TMCO1: variants seen among roughly 807,000 people sequenced by gnomAD.
The protein encoded by TMCO1 is transmembrane and coiled-coil domains 1, also known as calcium load-activated calcium channel.
A neutral mutation model predicts 29.3 loss-of-function variants in TMCO1; 29 were observed. That is an observed-to-expected ratio of 0.99 (90% CI 0.74 to 1.35). The LOEUF is 1.35. Ranked by LOEUF, TMCO1 falls within the 40% of genes most tolerant of loss-of-function variation. The pLI, the probability that TMCO1 is intolerant of heterozygous loss-of-function variation, is 0.00. For missense variants in TMCO1, 173 were observed against 225.5 expected (o/e 0.77, Z 1.49); for synonymous variants, 80 against 77.1 (o/e 1.04, Z -0.20).
intron 2 of TMCO1, among the ~76,000 whole-genome samples, chr1:165,766,413 T>C (rs1652569419): frequency 1.3e-5 from 2 of 152,094 alleles, no homozygotes; most frequent in African/African-American, 4.8e-5. Flanking sequence ...AGGAAGTGAA[T>C]GTAGAGAAAA....
chr1:165,734,158 TA>T (rs1414676174), intron 6 of TMCO1, among the ~76,000 whole-genome samples: 1 of 152,228 alleles, frequency 6.6e-6, no homozygotes, highest in Non-Finnish European at 1.5e-5. Flanking sequence ...AAGCTGTATA[TA>T]AAATCTAATC....
intron 4 of TMCO1, among the ~76,000 whole-genome samples, chr1:165,753,674 C>T (rs1241701301): frequency 1.3e-5 from 2 of 151,590 alleles, no homozygotes; most frequent in Admixed American, 6.6e-5. Context: ...ATTAGCCGGG[C>T]GTGGTGTACT....
chr1:165,765,380 T>C (rs934010760), intron 2 of TMCO1, among the ~76,000 whole-genome samples: 14 of 152,188 alleles, frequency 9.2e-5, no homozygotes, highest in Non-Finnish European at 8.8e-5. Flanking sequence ...GCCTCCCAGG[T>C]TGAAGCAATT....
At chr1:165,764,358 T>C (rs1571233266) in intron 2 of TMCO1, among the ~76,000 whole-genome samples, 1 of 152,154 alleles carries the variant, frequency 6.6e-6, no homozygotes, top group South Asian at 2.1e-4. Context: ...ACAGTTTTGT[T>C]GAGGAGAGAG....
chr1:165,728,651 A>T (rs1342178789), intron 6 of TMCO1, among the ~76,000 whole-genome samples: 1 of 152,216 alleles, frequency 6.6e-6, no homozygotes, highest in Non-Finnish European at 1.5e-5. Flanking sequence ...TCTACTAATG[A>T]AAGTGGTTGA....
At chr1:165,737,358 T>C (rs933214935) in intron 6 of TMCO1, among the ~76,000 whole-genome samples, 1 of 151,652 alleles carries the variant, frequency 6.6e-6, no homozygotes, top group African/African-American at 2.4e-5. Context: ...TTTAAAAAAA[T>C]TCAACATAGC....
rs527733826 is a variant in TMCO1, at chr1:165,741,800, G to T, written c.468+1367C>A. Among the ~76,000 whole-genome samples the T allele has an allele frequency of 9.9e-5, 15 of 152,252 alleles. No individual in the cohort carries two copies. In the South Asian group the frequency reaches 2.9e-3, roughly 29 times the overall value. ...TAGTGAGTGAGTTCTCACGAGATCT[G>T]GTTGTTTAAAAGTGTGTAATACCTC... On this transcript the variant is annotated intron_variant, in intron 6 of 6. Transcript: ENST00000367881.
chr1:165,756,018 T>G (rs1237123886), intron 3 of TMCO1, among the ~76,000 whole-genome samples: 2 of 150,796 alleles, frequency 1.3e-5, no homozygotes, highest in African/African-American at 2.4e-5. Context: ...AAACTTTAAT[T>G]TGCCTAAGAA....
downstream of TMCO1, chr1:165,725,213 A>G (rs749551136): frequency 3.1e-5 from 14 of 453,284 alleles, no homozygotes; most frequent in South Asian, 6.2e-5. Flanking sequence ...AATACATAAA[A>G]TAAGTATAAA....
chr1:165,750,273 C>T (rs60093824), intron 5 of TMCO1, among the ~76,000 whole-genome samples: 48 of 152,184 alleles, frequency 3.2e-4, no homozygotes, highest in African/African-American at 1.1e-3. Flanking sequence ...GGCGCAATGG[C>T]TCACACCTGT....
rs2101813422 is a variant in TMCO1 at position 165,759,643 on chromosome 1, A to T, written c.149-59T>A. On this transcript the variant is annotated intron_variant, in intron 2 of 6. Transcript: ENST00000367881. ...CTGGATTATACTAAAGAAACAAAGG[A>T]TGCTTTATCACAGCTGAACCAATGA... 5.0e-6 allele frequency: 7 copies of T among 1,404,974 alleles called. No individual in the cohort carries two copies. The South Asian group carries it at 7.1e-5, about 14-fold the overall frequency. 87.0% of individuals were successfully genotyped at this position (1,404,974 alleles called of 1,614,324 possible).
intron 6 of TMCO1, among the ~76,000 whole-genome samples, chr1:165,736,162 A>G (rs983448737): frequency 1.3e-5 from 2 of 152,184 alleles, no homozygotes; most frequent in African/African-American, 4.8e-5. Context: ...ACAGGACCTC[A>G]CCAGACACCG....
chr1:165,762,669 C>T lies in TMCO1; in HGVS notation c.149-3085G>A, dbSNP rs75218887. Among the ~76,000 whole-genome samples, 1,277 of 152,274 alleles carry T rather than the reference C, an allele frequency of 8.4e-3. 21 individuals carry two copies. The highest frequency in any genetic ancestry group is 0.03 in the African/African-American group (1,227 of 41,560). On this transcript the variant is annotated intron_variant, in intron 2 of 6. Transcript: ENST00000367881. The stretch of plus-strand genomic sequence containing the variant: ...CAGAGTTGACAAAAATAAAAGATGT[C>T]TACTATGAAACACATTTCTGTCCAT...
chr1:165,757,582 C>T (rs1301518459), intron 3 of TMCO1, among the ~76,000 whole-genome samples: 1 of 152,246 alleles, frequency 6.6e-6, no homozygotes, highest in Non-Finnish European at 1.5e-5. Flanking sequence ...CTACAACCTC[C>T]ACCTCCCAGA....
intron 6 of TMCO1, among the ~76,000 whole-genome samples, chr1:165,731,416 C>G (rs950270880): frequency 3.9e-5 from 6 of 152,186 alleles, no homozygotes; most frequent in African/African-American, 1.4e-4. Context: ...GAATTAGCTG[C>G]TGATAAACAT....
intron 3 of TMCO1, among the ~76,000 whole-genome samples, chr1:165,756,120 A>G (rs546295998): frequency 6.6e-6 from 1 of 152,156 alleles, no homozygotes; most frequent in East Asian, 1.9e-4. Context: ...AAAGTCTGGG[A>G]GTAATACTTA....
intron 1 of TMCO1, 78 bp from the exon 2 acceptor site, chr1:165,768,347 A>T: frequency 2.0e-6 from 3 of 1,531,106 alleles, no homozygotes; most frequent in Non-Finnish European, 2.7e-6. Flanking sequence ...CTGTTGGAGA[A>T]GGAGGAATTC....
intron 6 of TMCO1, among the ~76,000 whole-genome samples, chr1:165,730,784 G>A (rs184310546): frequency 2.6e-5 from 4 of 151,884 alleles, no homozygotes; most frequent in African/African-American, 9.7e-5. Context: ...AATAGAGTTG[G>A]GGTTTTGCCA....
downstream of TMCO1, chr1:165,725,022 CTCTA>C (rs1203045663): frequency 2.5e-3 from 253 of 99,588 alleles, no homozygotes; most frequent in African/African-American, 3.8e-3. Context: ...CTCTCTCTCT[CTCTA>C]TATATATATA....
Sources: allele counts gnomAD v4.1 joint callset (sites outside exome capture counted in the v4.1 genomes callset), GRCh38; gene constraint gnomAD v4.1.1; transcripts MANE v1.5; gene names NCBI Gene and HGNC (gene_info 2026-07-23, HGNC 2026-07-21).